Variants in TFAP4 observed in about 807,000 individuals in gnomAD.
The protein encoded by TFAP4 is activating enhancer-binding protein 4.
A neutral mutation model predicts 40.4 loss-of-function variants in TFAP4; 7 were observed. The observed-to-expected ratio is 0.17, with a 90% confidence interval of 0.10 to 0.33. The LOEUF (loss-of-function observed/expected upper bound fraction) is 0.33. Among genes scored for constraint, TFAP4 ranks in the 10% least tolerant of loss-of-function variants. The probability of loss-of-function intolerance (pLI) is 1.00; values close to 1 mark genes in which losing one functional copy is unlikely to be tolerated. For synonymous variants in TFAP4, 218 were observed against 181.4 expected (o/e 1.20, Z -1.62); for missense variants, 374 against 451.1 (o/e 0.83, Z 1.55).
intron 4 of TFAP4, 108 bp from the exon 5 acceptor site, chr16:4,260,703 G>T (rs1597311869): frequency 1.5e-6 from 2 of 1,339,638 alleles, no homozygotes; most frequent in East Asian, 2.7e-5. Flanking sequence ...CACAGGGCGG[G>T]CCCCTCTCAA....
intron 1 of TFAP4, among the ~76,000 whole-genome samples, chr16:4,267,760 G>A (rs1463428115): frequency 5.3e-5 from 8 of 152,174 alleles, no homozygotes; most frequent in East Asian, 3.8e-4. Context: ...AAGTCCACAC[G>A]GGATTCTCCC....
rs1480080539 is a variant in TFAP4 at position 4,258,089 on chromosome 16, C to T, written c.983G>A (p.Arg328Gln). The T allele has an allele frequency of 4.3e-6, 7 of 1,613,208 alleles. No individual in the cohort carries two copies. In the South Asian group the frequency reaches 6.6e-5, roughly 15 times the overall value. Residue 328 changes from arginine to glutamine, a missense_variant, in exon 7 of 7, where the codon CGG becomes CAG. Coordinates refer to ENST00000204517, the MANE Select transcript of TFAP4 (RefSeq NM_003223.3). ...CTCCCCGTCCCCCGACGGCTCCTCCCGGCTCTGGTCCATGGCGTCACTGTC... is the reference window on the plus strand; with the variant it reads ...CTCCCCGTCCCCCGACGGCTCCTCCTGGCTCTGGTCCATGGCGTCACTGTC... ...ASDSDAMDQS[R>Q]EEPSGDGELP
In TFAP4 at chr16:4,257,501, T is replaced by A. The variant is rs1478655369; in HGVS notation, c.*554A>T. Reference sequence around the variant, plus strand: ...AGAGTGGCGAATTCTAGTGCCGAGATGGGGAAGGGGGAGGGGGGCACAGCA... The same window carrying A: ...AGAGTGGCGAATTCTAGTGCCGAGAAGGGGAAGGGGGAGGGGGGCACAGCA... On this transcript the variant is annotated 3_prime_UTR_variant, in exon 7 of 7. Transcript: ENST00000204517. The A allele has an allele frequency of 2.8e-5, 1 of 36,242 alleles. No individual in the cohort carries two copies. The highest frequency in any genetic ancestry group is 1.1e-4 in the African/African-American group (1 of 9,136). The allele number at this position is 36,242 out of a possible 1,614,324, so 2.2% of individuals were successfully genotyped here.
intron 1 of TFAP4, chr16:4,266,797 CCT>C (rs1332628849): frequency 1.3e-5 from 2 of 152,228 alleles, no homozygotes; most frequent in East Asian, 1.9e-4. Flanking sequence ...GGTCCACTAT[CCT>C]CTCTCTGGCC....
rs757028215 is a variant in TFAP4 at position 4,260,249 on chromosome 16, C to A, written c.667-4G>T. 27 of 1,561,752 alleles carry A rather than the reference C, an allele frequency of 1.7e-5. No individual in the cohort carries two copies. In the East Asian group the frequency reaches 6.0e-4, roughly 35 times the overall value. On this transcript the variant is annotated splice_polypyrimidine_tract_variant and splice_region_variant and intron_variant, in intron 5 of 6. Transcript: ENST00000204517. ...TGGGGGCCGGAGGGGGCAGAAGCTG[C>A]AAGACAGAGGCCCTCAGCCTTTCTC...
chr16:4,263,800 A>G (rs2052968010), intron 1 of TFAP4: 1 of 153,800 alleles, frequency 6.5e-6, no homozygotes, highest in South Asian at 2.0e-4. Flanking sequence ...GTGGCTTCGG[A>G]CGAGGGCGGG....
chr16:4,266,760 C>A (rs1236300064), intron 1 of TFAP4: 1 of 152,210 alleles, frequency 6.6e-6, no homozygotes, highest in African/African-American at 2.4e-5. Context: ...CGGTTAAGGT[C>A]TGTAAACGTC....
At chr16:4,264,288 C>A (rs2052972979) in intron 1 of TFAP4, 1 of 152,646 alleles carries the variant, frequency 6.6e-6, no homozygotes, top group African/African-American at 2.4e-5. Context: ...CCGTGGCCTT[C>A]CTGGCCCCAC....
chr16:4,260,224 T>TGGGGGGGGGGGGGGGGGG lies in TFAP4; in HGVS notation c.687_688insCCCCCCCCCCCCCCCCCC (p.Pro229_Thr230insProProProProProPro). ...GGCACGATCACCGTGGGGTGGTGGG[T>TGGGGGGGGGGGGGGGGGG]GGGGGCCGGAGGGGGCAGAAGCTGC... On this transcript the variant is annotated inframe_insertion, in exon 6 of 7. Transcript: ENST00000204517. The TGGGGGGGGGGGGGGGGGG allele has an allele frequency of 4.5e-6, 1 of 223,756 alleles. No homozygotes were observed. The highest frequency in any genetic ancestry group is 7.9e-6 in the Non-Finnish European group (1 of 126,034). The allele number at this position is 223,756 out of a possible 1,614,324, so 13.9% of individuals were successfully genotyped here. A position where few individuals can be genotyped will look rare whatever the true frequency, so the allele number is the denominator to read the frequency against.
rs417083 is a variant in TFAP4 at position 4,257,645 on chromosome 16, A to G, written c.*410T>C. ...GAAAGAAGAAAACCCAAAAAGAGGA[A>G]GGAAAGGGGATTGAAGGCTGACAAT... On this transcript the variant is annotated 3_prime_UTR_variant, in exon 7 of 7. Coordinates refer to ENST00000204517, the MANE Select transcript of TFAP4 (RefSeq NM_003223.3). The G allele has an allele frequency of 0.57, 93,520 of 163,174 alleles. 27,584 individuals carry two copies. Among genetic ancestry groups the G allele is most frequent in the East Asian group, 0.83 (4,440 of 5,368 alleles). 10.1% of individuals were successfully genotyped at this position (163,174 alleles called of 1,614,324 possible).
rs114412351 is a variant in TFAP4 at position 4,270,601 on chromosome 16, T to A, written c.89+2057A>T. On this transcript the variant is annotated intron_variant, in intron 1 of 6. Transcript: ENST00000204517. ...CAATGGACGTTGCCATGTCCAACCC[T>A]GGACGAAGGCCCTACACCTTCAAGT... 2.6e-3 allele frequency among the ~76,000 whole-genome samples: 401 copies of A among 152,342 alleles called. 3 individuals carry two copies. Among genetic ancestry groups the A allele is most frequent in the African/African-American group, 9.1e-3 (379 of 41,570 alleles).
In TFAP4 at chr16:4,260,141, C is replaced by T. The variant is rs142070465; in HGVS notation, c.771G>A (p.Ser257=). Reference sequence around the variant, plus strand: ...GGGATGTGGAAACAGAGTTGATGACCGAGGAGGGGCCCATGGTGACGACAT... The same window carrying T: ...GGGATGTGGAAACAGAGTTGATGACTGAGGAGGGGCCCATGGTGACGACAT... ...HINVVTMGPS[S]VINSVSTSRQ... is the part of the protein sequence containing the mutation. The change falls in exon 6 of 7, where the codon TCG becomes TCA. Residue 257 remains serine (S), a synonymous_variant. Transcript: ENST00000204517. 4.6e-6 allele frequency: 7 copies of T among 1,520,742 alleles called. No homozygotes were observed. Among genetic ancestry groups the T allele is most frequent in the African/African-American group, 2.9e-5 (2 of 69,068 alleles). 94.2% of individuals were successfully genotyped at this position (1,520,742 alleles called of 1,614,324 possible).
At chr16:4,260,037 C>G (rs1484327537) in intron 6 of TFAP4, 53 bp downstream of exon 6, 2 of 1,563,578 alleles carry the variant, frequency 1.3e-6, no homozygotes, top group Non-Finnish European at 1.7e-6. Flanking sequence ...CCCTAAAGAG[C>G]CTGTTCCCGG....
intron 1 of TFAP4, among the ~76,000 whole-genome samples, chr16:4,271,362 A>G (rs1010948391): frequency 6.6e-6 from 1 of 152,244 alleles, no homozygotes; most frequent in African/African-American, 2.4e-5. Flanking sequence ...ACGTGGCTCC[A>G]GCCCTGGGGA....
At chr16:4,259,964 G>A in intron 6 of TFAP4, 126 bp downstream of exon 6, 2 of 1,283,788 alleles carry the variant, frequency 1.6e-6, no homozygotes, top group Non-Finnish European at 2.1e-6. Flanking sequence ...AAGGCTTCCA[G>A]CCCTCCACCC....
intron 6 of TFAP4, among the ~76,000 whole-genome samples, chr16:4,259,782 A>C (rs569991539): frequency 6.6e-6 from 1 of 152,264 alleles, no homozygotes; most frequent in East Asian, 1.9e-4. Flanking sequence ...CAAGAGCTGG[A>C]TGCAGGAACT....
At chr16:4,264,110 G>A (rs1407871281) in intron 1 of TFAP4, 1 of 152,606 alleles carries the variant, frequency 6.6e-6, no homozygotes, top group East Asian at 1.9e-4. Context: ...TGGGAGAACA[G>A]GAAAAGGGTT....
chr16:4,268,304 C>T (rs251737), intron 1 of TFAP4, among the ~76,000 whole-genome samples: 82,058 of 151,788 alleles, frequency 0.54, 22,473 homozygotes, highest in East Asian at 0.78. Flanking sequence ...GTGGGACGTG[C>T]CTGTAATCCC....
Position 4,260,484 on chromosome 16 carries a change from C to T in TFAP4, c.637G>A (p.Glu213Lys). 6.2e-7 allele frequency: 1 copy of T among 1,603,672 alleles called. No homozygotes were observed. Residue 213 changes from glutamate to lysine, a missense_variant, in exon 5 of 7, where the codon GAG becomes AAG. Glu to Lys is a moderately conservative substitution (Grantham distance 56). This residue lies in a region of TFAP4 where 161 missense variants were observed against 154.2 expected (regional missense o/e 1.04). Transcript: ENST00000204517. ...QVRLLHQEKL[E>K]REQQQLRTQL... ...GTCCGCAGCTGCTGCTGTTCCCGCT[C>T]CAGCTTCTCCTGGTGCAGCAGCCTC...
Sources: gnomAD v4.1 joint callset for allele counts (sites outside exome capture counted in the v4.1 genomes callset) on GRCh38, gnomAD v4.1.1 for gene constraint, gnomAD v4.1.1 regional missense constraint, MANE v1.5 for transcripts, NCBI Gene and HGNC (gene_info 2026-07-23, HGNC 2026-07-21) for gene names.